Variants in KALRN observed in about 807,000 individuals in gnomAD.
KALRN encodes the protein kalirin.
In KALRN, 70 loss-of-function variants were observed where a neutral mutation model predicts 353.7. The observed-to-expected ratio is 0.20, with a 90% CI of 0.16 to 0.24. The LOEUF (loss-of-function observed/expected upper bound fraction) is 0.24. Ranked by LOEUF, KALRN falls within the 10% of genes least tolerant of loss-of-function variation. The pLI is 1.00. For synonymous variants in KALRN, 1,391 were observed against 1,434.8 expected (o/e 0.97, Z 0.69); for missense variants, 2,791 against 3,756.7 (o/e 0.74, Z 6.72).
chr3:124,379,400 C>G (rs1178218747), intron 10 of KALRN, among the ~76,000 whole-genome samples: 2 of 151,964 alleles, frequency 1.3e-5, no homozygotes, highest in Non-Finnish European at 2.9e-5. Context: ...ATGTGCACGC[C>G]TGGTAATTTT....
At chr3:124,136,497 C>T (rs148659688) in intron 1 of KALRN, among the ~76,000 whole-genome samples, 10 of 152,110 alleles carry the variant, frequency 6.6e-5, no homozygotes, top group African/African-American at 1.9e-4. Flanking sequence ...GGTCCCCCCC[C>T]CATTGATTGG....
intron 34 of KALRN, among the ~76,000 whole-genome samples, chr3:124,567,018 G>C (rs1178695302): frequency 1.3e-5 from 2 of 152,116 alleles, no homozygotes; most frequent in Admixed American, 1.3e-4. Context: ...CCAGAAATGG[G>C]GACAAAAGAA....
intron 10 of KALRN, among the ~76,000 whole-genome samples, chr3:124,355,806 C>G (rs926739472): frequency 4.1e-5 from 6 of 147,236 alleles, no homozygotes; most frequent in Admixed American, 7.0e-5. Flanking sequence ...ATCTCTGCCC[C>G]CCAGATTCAA....
At chr3:124,385,613 G>A (rs1038141455) in intron 11 of KALRN, among the ~76,000 whole-genome samples, 1 of 152,084 alleles carries the variant, frequency 6.6e-6, no homozygotes, top group Admixed American at 6.5e-5. Flanking sequence ...TTGAAAGAAG[G>A]GGGACTGAGA....
intron 34 of KALRN, among the ~76,000 whole-genome samples, chr3:124,597,034 C>A (rs576439241): frequency 6.6e-6 from 1 of 151,628 alleles, no homozygotes; most frequent in African/African-American, 2.4e-5. Context: ...GGTGACAGAG[C>A]AAGACTCTGT....
intron 1 of KALRN, among the ~76,000 whole-genome samples, chr3:124,160,187 G>T (rs971904633): frequency 6.0e-5 from 9 of 150,770 alleles, no homozygotes; most frequent in African/African-American, 1.5e-4. Context: ...GGGTGTTCTT[G>T]TAAGAGGAAC....
At chr3:124,155,584 C>T (rs2068857238) in intron 1 of KALRN, among the ~76,000 whole-genome samples, 1 of 152,190 alleles carries the variant, frequency 6.6e-6, no homozygotes, top group Admixed American at 6.5e-5. Context: ...AGTATGAACA[C>T]ACAGACAGTT....
chr3:124,307,363 T>G (rs1389703769), intron 6 of KALRN, among the ~76,000 whole-genome samples: 1 of 152,018 alleles, frequency 6.6e-6, no homozygotes, highest in African/African-American at 2.4e-5. Flanking sequence ...TATAAATATA[T>G]AGTAATCCTC....
intron 6 of KALRN, among the ~76,000 whole-genome samples, chr3:124,311,033 C>T (rs532548689): frequency 4.5e-5 from 6 of 133,870 alleles, no homozygotes; most frequent in African/African-American, 8.1e-5. Flanking sequence ...ATCAGGGAAA[C>T]GTAAATCAAA....
intron 25 of KALRN, among the ~76,000 whole-genome samples, chr3:124,463,238 AT>A (rs1249147343): frequency 1.3e-5 from 2 of 152,268 alleles, no homozygotes; most frequent in Non-Finnish European, 2.9e-5. Flanking sequence ...AAAAATTGGC[AT>A]GATAAGTTAC....
chr3:124,206,599 G>A (rs934675725), intron 1 of KALRN, among the ~76,000 whole-genome samples: 1 of 152,140 alleles, frequency 6.6e-6, no homozygotes, highest in African/African-American at 2.4e-5. Flanking sequence ...ATTGCATAGG[G>A]TTTTCTGGGT....
At chr3:124,160,539 G>A (rs544966632) in intron 1 of KALRN, among the ~76,000 whole-genome samples, 13 of 152,138 alleles carry the variant, frequency 8.5e-5, no homozygotes, top group Admixed American at 4.6e-4. Flanking sequence ...GACCCAATTG[G>A]TTTTTTGCAA....
At chr3:124,039,711 C>T (rs774791900) in intron 1 of KALRN, among the ~76,000 whole-genome samples, 1 of 152,108 alleles carries the variant, frequency 6.6e-6, no homozygotes, top group Non-Finnish European at 1.5e-5. Context: ...CTGTACATTG[C>T]CAGGTACCTA....
chr3:124,362,163 G>A (rs2084123474), intron 10 of KALRN, among the ~76,000 whole-genome samples: 2 of 152,136 alleles, frequency 1.3e-5, no homozygotes. Context: ...AGAGCCCTGA[G>A]GAAAAGGGCT....
chr3:124,090,899 C>T (rs1296210653), intron 1 of KALRN, among the ~76,000 whole-genome samples: 5 of 152,172 alleles, frequency 3.3e-5, no homozygotes, highest in Admixed American at 2.0e-4. Flanking sequence ...GTGAGGTTAG[C>T]TGGAAAGGGC....
At chr3:124,381,047 C>A (rs148465741) in intron 10 of KALRN, among the ~76,000 whole-genome samples, 1 of 152,156 alleles carries the variant, frequency 6.6e-6, no homozygotes. Flanking sequence ...ATGAGAAAGA[C>A]AAAAATTTGC....
intron 21 of KALRN, among the ~76,000 whole-genome samples, chr3:124,450,067 G>A (rs908877129): frequency 3.9e-5 from 6 of 152,182 alleles, no homozygotes; most frequent in African/African-American, 1.4e-4. Context: ...ACCTGGGAGT[G>A]GAATGGTTGG....
intron 1 of KALRN, among the ~76,000 whole-genome samples, chr3:124,131,322 A>G (rs1201896655): frequency 2.0e-5 from 3 of 152,224 alleles, no homozygotes; most frequent in African/African-American, 7.2e-5. Context: ...ATAGTCTCTC[A>G]GCCCCAGTTA....
chr3:124,142,759 C>G (rs535520348), intron 1 of KALRN, among the ~76,000 whole-genome samples: 1 of 152,126 alleles, frequency 6.6e-6, no homozygotes, highest in African/African-American at 2.4e-5. Context: ...CTCCACCCCC[C>G]ACCCACTCCC....
Sources: allele counts gnomAD v4.1 joint callset (sites outside exome capture counted in the v4.1 genomes callset), GRCh38; gene constraint gnomAD v4.1.1; transcripts MANE v1.5; gene names NCBI Gene and HGNC (gene_info 2026-07-23, HGNC 2026-07-21).